Variants in PTPRG observed in about 807,000 individuals in gnomAD.
PTPRG encodes protein tyrosine phosphatase receptor type G.
A neutral mutation model predicts 165.3 loss-of-function variants in PTPRG; 102 were observed. The ratio of observed to expected loss-of-function variants is 0.62; its 90% confidence interval spans 0.53 to 0.73. The LOEUF is 0.73. Ranked by LOEUF, PTPRG falls within the 30% of genes least tolerant of loss-of-function variation. The pLI is 0.00. For missense variants in PTPRG, 1,866 were observed against 1,861.4 expected (o/e 1.00, Z -0.05); for synonymous variants, 675 against 669.5 (o/e 1.01, Z -0.13).
chr3:61,573,264 G>C (rs570772046), intron 1 of PTPRG, among the ~76,000 whole-genome samples: 1 of 152,182 alleles, frequency 6.6e-6, no homozygotes, highest in East Asian at 1.9e-4. Context: ...CGGGGGACAA[G>C]GGGGGGAAAG....
intron 2 of PTPRG, among the ~76,000 whole-genome samples, chr3:61,921,362 G>A (rs955438393): frequency 1.3e-5 from 2 of 152,156 alleles, no homozygotes; most frequent in Non-Finnish European, 2.9e-5. Context: ...ATGGAAAATA[G>A]CATGCTAAAA....
chr3:62,119,914 G>A (rs933779948), intron 5 of PTPRG, among the ~76,000 whole-genome samples: 12 of 151,446 alleles, frequency 7.9e-5, no homozygotes, highest in African/African-American at 1.7e-4. Flanking sequence ...AATTACAGGC[G>A]TGAGCCACCG....
At chr3:61,895,653 A>G (rs2038335618) in intron 2 of PTPRG, among the ~76,000 whole-genome samples, 1 of 152,170 alleles carries the variant, frequency 6.6e-6, no homozygotes, top group African/African-American at 2.4e-5. Context: ...GTTTCGAAAT[A>G]TGTTTGTTGG....
chr3:61,955,765 G>A (rs545899099), intron 2 of PTPRG, among the ~76,000 whole-genome samples: 1 of 152,226 alleles, frequency 6.6e-6, no homozygotes, highest in South Asian at 2.1e-4. Context: ...TGAAATAATA[G>A]CATTCGTAGG....
At position 62,203,568 on chromosome 3, in the gene PTPRG, G is replaced by C. The variant is rs1281301009; in HGVS notation, c.1773G>C (p.Gly591=). 1 of 1,552,626 alleles carries C rather than the reference G, an allele frequency of 6.4e-7. No homozygotes were observed. ...EKDEKSESED[G]EREHEEDGEK... is the part of the protein sequence containing the mutation. Reference sequence around the variant, plus strand: ...ATGAGAAAAGCGAGAGTGAGGATGGGGAGCGGGAGCACGAGGAGGATGGAG... The same window carrying C: ...ATGAGAAAAGCGAGAGTGAGGATGGCGAGCGGGAGCACGAGGAGGATGGAG... Residue 591 remains glycine, a synonymous_variant, in exon 12 of 30, where the codon GGG becomes GGC. Transcript: ENST00000474889. This position sits in a 1 kb window ranked among gnomAD's most constrained non-coding sequence, Gnocchi z 6.4.
At chr3:61,891,820 A>G (rs536365598) in intron 2 of PTPRG, among the ~76,000 whole-genome samples, 4 of 152,356 alleles carry the variant, frequency 2.6e-5, no homozygotes, top group Non-Finnish European at 4.4e-5. Flanking sequence ...TAGTCTGTGT[A>G]AGATGTTCAC....
At chr3:61,665,483 C>G (rs1443696888) in intron 1 of PTPRG, among the ~76,000 whole-genome samples, 1 of 151,522 alleles carries the variant, frequency 6.6e-6, no homozygotes, top group Non-Finnish European at 1.5e-5. Context: ...CACACACACA[C>G]ACACACACAC....
rs545811404 is a variant in PTPRG at position 61,732,601 on chromosome 3, C to T, written c.86-16277C>T. 5.3e-5 allele frequency among the ~76,000 whole-genome samples: 8 copies of T among 150,870 alleles called. No individual in the cohort carries two copies. The South Asian group carries it at 1.0e-3, about 20-fold the overall frequency. On this transcript the variant is annotated intron_variant, in intron 1 of 29. Coordinates refer to ENST00000474889, the MANE Select transcript of PTPRG (RefSeq NM_002841.4). ...GCGAGCACCTGTAGTCCCAGCTACT[C>T]GGGAGGCTGAGGCAGGAGAATGGCA...
chr3:61,985,279 C>A (rs1211110036), intron 2 of PTPRG, among the ~76,000 whole-genome samples: 1 of 152,160 alleles, frequency 6.6e-6, no homozygotes, highest in Non-Finnish European at 1.5e-5. Flanking sequence ...ACCATAAGTT[C>A]CCTCCTGGGG....
intron 29 of PTPRG, among the ~76,000 whole-genome samples, 160 bp from the exon 30 acceptor site, chr3:62,293,000 TA>T (rs1702954076): frequency 6.6e-6 from 1 of 152,188 alleles, no homozygotes; most frequent in Admixed American, 6.6e-5. Context: ...TTGACTATAA[TA>T]AATTCAAATG....
At chr3:62,013,361 A>T (rs1213134038) in intron 4 of PTPRG, among the ~76,000 whole-genome samples, 1 of 152,184 alleles carries the variant, frequency 6.6e-6, no homozygotes, top group African/African-American at 2.4e-5. Flanking sequence ...AGACTAACAA[A>T]TTCTTTAGGA....
intron 2 of PTPRG, among the ~76,000 whole-genome samples, chr3:61,828,290 A>T (rs2036170428): frequency 1.3e-5 from 2 of 152,252 alleles, no homozygotes; most frequent in South Asian, 4.1e-4. Flanking sequence ...AACCTGGGTG[A>T]CACAGTATGG....
At chr3:61,937,398 G>T (rs963053828) in intron 2 of PTPRG, among the ~76,000 whole-genome samples, 7 of 152,180 alleles carry the variant, frequency 4.6e-5, no homozygotes, top group Non-Finnish European at 8.8e-5. Context: ...TCACATCCCA[G>T]ACATGGAGTT....
intron 2 of PTPRG, among the ~76,000 whole-genome samples, chr3:61,864,642 A>G (rs1318688863): frequency 1.3e-5 from 2 of 152,166 alleles, no homozygotes; most frequent in Non-Finnish European, 1.5e-5. Context: ...TTGTAGCTAT[A>G]ATTCTCTGGC....
At chr3:61,803,841 T>G (rs1033206059) in intron 2 of PTPRG, among the ~76,000 whole-genome samples, 2 of 152,220 alleles carry the variant, frequency 1.3e-5, no homozygotes, top group Non-Finnish European at 2.9e-5. Context: ...TTTGGATAGT[T>G]AAAAGTTGCA....
chr3:61,987,242 C>T (rs1177924014), intron 2 of PTPRG, among the ~76,000 whole-genome samples: 1 of 152,154 alleles, frequency 6.6e-6, no homozygotes, highest in African/African-American at 2.4e-5. Flanking sequence ...AGATCAGTTT[C>T]AATTAAAATT....
chr3:61,579,966 T>C (rs1700249828), intron 1 of PTPRG, among the ~76,000 whole-genome samples: 1 of 152,212 alleles, frequency 6.6e-6, no homozygotes, highest in Non-Finnish European at 1.5e-5. Flanking sequence ...TGGAGATTTG[T>C]GACAATTTTT....
At chr3:61,961,946 C>T (rs2040162197) in intron 2 of PTPRG, among the ~76,000 whole-genome samples, 1 of 152,164 alleles carries the variant, frequency 6.6e-6, no homozygotes, top group African/African-American at 2.4e-5. Context: ...CTGCACTCCC[C>T]AGTTACAGTT....
Position 61,789,000 on chromosome 3 carries a change from G to C in PTPRG, c.190+40018G>C, listed in dbSNP as rs116440492. Among the ~76,000 whole-genome samples, 367 of 152,188 alleles carry C rather than the reference G, an allele frequency of 2.4e-3. 3 individuals carry two copies. Among genetic ancestry groups the C allele is most frequent in the African/African-American group, 8.6e-3 (357 of 41,540 alleles). On this transcript the variant is annotated intron_variant, in intron 2 of 29. Coordinates refer to ENST00000474889, the MANE Select transcript of PTPRG (RefSeq NM_002841.4). ...TTTGCATGTCTTTTCTCATGTTTAG[G>C]TGCTGTGTCTTAATACTTTTTTCTT...
Sources: gnomAD v4.1 joint callset for allele counts (sites outside exome capture counted in the v4.1 genomes callset) on GRCh38, gnomAD v4.1.1 for gene constraint, Gnocchi (gnomAD v3.1) non-coding constraint, MANE v1.5 for transcripts, NCBI Gene and HGNC (gene_info 2026-07-23, HGNC 2026-07-21) for gene names.